Variants in MYT1L observed in about 807,000 individuals in gnomAD.
The protein encoded by MYT1L is myelin transcription factor 1 like.
In MYT1L, 12 loss-of-function variants were observed where a neutral mutation model predicts 126.7. That is an observed-to-expected ratio of 0.09 (90% CI 0.06 to 0.15). The LOEUF (loss-of-function observed/expected upper bound fraction) is 0.15, where lower values mean the gene tolerates loss of function less well. Among genes scored for constraint, MYT1L ranks in the 10% least tolerant of loss-of-function variants. The probability of loss-of-function intolerance (pLI) is 1.00; values close to 1 mark genes in which losing one functional copy is unlikely to be tolerated. For missense variants in MYT1L, 979 were observed against 1,585.2 expected (o/e 0.62, Z 6.49); for synonymous variants, 541 against 604.2 (o/e 0.90, Z 1.53).
At position 2,312,145 on chromosome 2, in the gene MYT1L, C is replaced by T. The variant is rs535871781; in HGVS notation, c.-521+18822G>A. Among the ~76,000 whole-genome samples, 3 of 152,312 alleles carry T rather than the reference C, an allele frequency of 2.0e-5. 1 individual carries two copies. Among genetic ancestry groups the T allele is most frequent in the South Asian group, 4.1e-4 (2 of 4,820 alleles). On this transcript the variant is annotated intron_variant, in intron 1 of 24. Coordinates refer to ENST00000647738, the MANE Select transcript of MYT1L (RefSeq NM_001303052.2). ...GGAGAACAAAGTCGCCTGTGTGATG[C>T]TCCTCATGCTCCCTTGGCCAGCCCT...
intron 3 of MYT1L, among the ~76,000 whole-genome samples, chr2:2,089,605 G>A (rs1040852921): frequency 6.6e-6 from 1 of 152,164 alleles, no homozygotes; most frequent in African/African-American, 2.4e-5. Context: ...TATAAGAGCT[G>A]CAAGGACTTT....
At chr2:2,163,247 C>T (rs1484199443) in intron 3 of MYT1L, among the ~76,000 whole-genome samples, 4 of 152,030 alleles carry the variant, frequency 2.6e-5, no homozygotes, top group African/African-American at 9.7e-5. Flanking sequence ...GTTCGAGACC[C>T]GAGGTGGGGG....
intron 3 of MYT1L, among the ~76,000 whole-genome samples, chr2:2,084,446 G>A (rs2076157149): frequency 1.3e-5 from 2 of 152,210 alleles, no homozygotes; most frequent in African/African-American, 4.8e-5. Context: ...AACACTGAGA[G>A]CTCCCCTGCA....
intron 4 of MYT1L, among the ~76,000 whole-genome samples, chr2:2,043,028 T>C (rs1359608865): frequency 1.3e-5 from 2 of 152,188 alleles, no homozygotes; most frequent in Non-Finnish European, 2.9e-5. Context: ...CTAAAACTTG[T>C]CAGCTGTGAA....
At chr2:2,259,405 AC>A (rs1210482265) in intron 2 of MYT1L, among the ~76,000 whole-genome samples, 1,530 of 129,562 alleles carry the variant, frequency 0.012, 50 homozygotes, top group African/African-American at 0.038. Context: ...AAAAAAAAAA[AC>A]ATTAAAAAAA....
At chr2:1,989,420 C>T (rs374722609) in intron 5 of MYT1L, among the ~76,000 whole-genome samples, 17 of 152,186 alleles carry the variant, frequency 1.1e-4, no homozygotes, top group East Asian at 1.9e-4. Flanking sequence ...AGGACAGAAG[C>T]GAGAGTGCAC....
At chr2:1,832,239 A>G (rs2148295018) in intron 21 of MYT1L, among the ~76,000 whole-genome samples, 1 of 152,244 alleles carries the variant, frequency 6.6e-6, no homozygotes, top group Admixed American at 6.5e-5. Context: ...CCTTGTGAGG[A>G]CACAGTGAGA....
chr2:2,149,937 T>A (rs2085471485), intron 3 of MYT1L, among the ~76,000 whole-genome samples: 1 of 152,176 alleles, frequency 6.6e-6, no homozygotes, highest in Admixed American at 6.5e-5. Flanking sequence ...GCTTCCTACC[T>A]CCACTCTCCA....
intron 8 of MYT1L, among the ~76,000 whole-genome samples, chr2:1,970,288 G>A (rs1198386695): frequency 2.0e-5 from 3 of 152,142 alleles, no homozygotes; most frequent in Non-Finnish European, 4.4e-5. Flanking sequence ...TCGAAGAGCC[G>A]GGTCCCAGCG....
chr2:2,127,569 C>A (rs1002074768), intron 3 of MYT1L, among the ~76,000 whole-genome samples: 1 of 152,172 alleles, frequency 6.6e-6, no homozygotes, highest in Non-Finnish European at 1.5e-5. Flanking sequence ...CCCCTACACC[C>A]CTCCCGGTAA....
intron 3 of MYT1L, among the ~76,000 whole-genome samples, chr2:2,085,570 C>T (rs541925634): frequency 2.0e-5 from 3 of 152,230 alleles, no homozygotes; most frequent in East Asian, 1.9e-4. Context: ...CCATTTGTCA[C>T]GGTTGTTTAT....
At chr2:2,093,172 A>C (rs2077068539) in intron 3 of MYT1L, among the ~76,000 whole-genome samples, 3 of 152,100 alleles carry the variant, frequency 2.0e-5, no homozygotes, top group Non-Finnish European at 4.4e-5. Flanking sequence ...TATCATCCCA[A>C]ATCTTTTTAA....
chr2:2,248,719 T>C (rs1226712081), intron 2 of MYT1L, among the ~76,000 whole-genome samples: 3 of 152,248 alleles, frequency 2.0e-5, no homozygotes, highest in South Asian at 2.1e-4. Flanking sequence ...TGGTTCAACA[T>C]TTACAAATCA....
In MYT1L at chr2:1,942,865, T is replaced by C. The variant is rs149258892; in HGVS notation, c.505+117A>G. On this transcript the variant is annotated intron_variant, in intron 9 of 24. Coordinates refer to ENST00000647738, the MANE Select transcript of MYT1L (RefSeq NM_001303052.2). ...ATATAAGAGGTTAATTTTCTCAGTA[T>C]TGACCAAGAAGAACAATTTCTTTAT... 2.0e-4 allele frequency: 272 copies of C among 1,348,418 alleles called. 1 individual carries two copies. The African/African-American group carries it at 3.3e-3, about 16-fold the overall frequency. 83.5% of individuals were successfully genotyped at this position (1,348,418 alleles called of 1,614,324 possible). A position where few individuals can be genotyped will look rare whatever the true frequency, so the allele number is the denominator to read the frequency against.
At chr2:2,303,582 T>G (rs2095816858) in intron 1 of MYT1L, 1 of 152,100 alleles carries the variant, frequency 6.6e-6, no homozygotes, top group African/African-American at 2.4e-5. Context: ...GCCACAGGAG[T>G]GCACTTAGGC....
intron 23 of MYT1L, among the ~76,000 whole-genome samples, chr2:1,797,512 G>A (rs1200050241): frequency 6.6e-6 from 1 of 152,192 alleles, no homozygotes; most frequent in East Asian, 1.9e-4. Context: ...GAGCCACTGT[G>A]CCCGGCCAGG....
chr2:2,161,542 T>C (rs559135321), intron 3 of MYT1L, among the ~76,000 whole-genome samples: 1 of 152,348 alleles, frequency 6.6e-6, no homozygotes, highest in East Asian at 1.9e-4. Flanking sequence ...GTTGAATCCT[T>C]CTATTGTAAA....
intron 23 of MYT1L, among the ~76,000 whole-genome samples, chr2:1,796,370 C>A (rs190878566): frequency 6.6e-6 from 1 of 152,194 alleles, no homozygotes; most frequent in Non-Finnish European, 1.5e-5. Context: ...AAAGTGTCCT[C>A]GTGCAGGGAG....
At chr2:2,270,427 C>T (rs573583841) in intron 2 of MYT1L, among the ~76,000 whole-genome samples, 16 of 152,242 alleles carry the variant, frequency 1.1e-4, no homozygotes, top group Admixed American at 6.5e-4. Context: ...ATCCCCTTTG[C>T]AAATCTATCT....
Sources: allele counts gnomAD v4.1 joint callset (sites outside exome capture counted in the v4.1 genomes callset), GRCh38; gene constraint gnomAD v4.1.1; transcripts MANE v1.5; gene names NCBI Gene and HGNC (gene_info 2026-07-23, HGNC 2026-07-21).